CNTN6: variants seen among roughly 807,000 people sequenced by gnomAD.
CNTN6 encodes the protein contactin 6.
In CNTN6, 137 loss-of-function variants were observed where a neutral mutation model predicts 122.8. The ratio of observed to expected loss-of-function variants is 1.12; its 90% CI spans 0.97 to 1.29. The LOEUF (loss-of-function observed/expected upper bound fraction) is 1.29, where lower values mean the gene tolerates loss of function less well. Ranked by LOEUF, CNTN6 falls within the 50% of genes most tolerant of loss-of-function variation. CNTN6 has a pLI of 0.00. For missense variants in CNTN6, 1,634 were observed against 1,223.4 expected, an observed-to-expected ratio of 1.34 and a Z score of -5.01; for synonymous variants, 570 against 426.0, an observed-to-expected ratio of 1.34 and a Z score of -4.16.
chr3:1,337,803 T>C (rs79689433), intron 11 of CNTN6, among the ~76,000 whole-genome samples: 1 of 152,154 alleles, frequency 6.6e-6, no homozygotes, highest in African/African-American at 2.4e-5. Flanking sequence ...AAGAGCCATC[T>C]GATAGTCTTG....
chr3:1,227,542 T>C (rs989422146), intron 3 of CNTN6, among the ~76,000 whole-genome samples: 1 of 152,212 alleles, frequency 6.6e-6, no homozygotes, highest in African/African-American at 2.4e-5. Flanking sequence ...ACTGACTGTC[T>C]AATTTTTATT....
intron 5 of CNTN6, among the ~76,000 whole-genome samples, chr3:1,279,911 G>A (rs955913368): frequency 1.3e-5 from 2 of 152,206 alleles, no homozygotes; most frequent in Non-Finnish European, 2.9e-5. Context: ...CACCTGATAT[G>A]ATAGGGAAGA....
At chr3:1,151,033 A>T (rs554571022) in intron 2 of CNTN6, among the ~76,000 whole-genome samples, 1 of 152,196 alleles carries the variant, frequency 6.6e-6, no homozygotes, top group East Asian at 1.9e-4. Context: ...CTATCTGTGG[A>T]CTGAGCATGG....
rs73093216 is a variant in CNTN6 at position 1,302,223 on chromosome 3, C to G, written c.761+4232C>G. Among the ~76,000 whole-genome samples the G allele has an allele frequency of 7.0e-3, 1,060 of 151,946 alleles. 13 individuals carry two copies. Among genetic ancestry groups the G allele is most frequent in the African/African-American group, 0.025 (1,031 of 41,352 alleles). On this transcript the variant is annotated intron_variant, in intron 7 of 22. Coordinates refer to ENST00000446702, the MANE Select transcript of CNTN6 (RefSeq NM_001289080.2). ...CTAACATCTCTTCATAAAAATATTG[C>G]TGTGCAGCATTTGGTTTTAGTCATT...
At chr3:1,136,946 GGC>G (rs1444085601) in intron 1 of CNTN6, among the ~76,000 whole-genome samples, 1 of 152,130 alleles carries the variant, frequency 6.6e-6, no homozygotes, top group Non-Finnish European at 1.5e-5. Flanking sequence ...GATGAAATGA[GGC>G]AGTGCATGTA....
rs979507930 is a variant in CNTN6 at position 1,385,234 on chromosome 3, G to T, written c.2518-377G>T. On this transcript the variant is annotated intron_variant, in intron 19 of 22. Coordinates refer to ENST00000446702, the MANE Select transcript of CNTN6 (RefSeq NM_001289080.2). ...CCTGTGATTCAAATAACTCTGAAAA[G>T]AAATGCCAATAGCAAGACATTATAA... 3.3e-5 allele frequency among the ~76,000 whole-genome samples: 5 copies of T among 151,964 alleles called. No homozygotes were observed. The East Asian group carries it at 9.6e-4, about 29-fold the overall frequency.
intron 4 of CNTN6, among the ~76,000 whole-genome samples, chr3:1,259,764 T>C (rs889645176): frequency 5.3e-5 from 8 of 152,154 alleles, no homozygotes; most frequent in Admixed American, 4.6e-4. Flanking sequence ...ATCAAAATTA[T>C]TTTGAGAATC....
At chr3:1,094,313 A>G (rs1238480073) in intron 1 of CNTN6, among the ~76,000 whole-genome samples, 1 of 152,120 alleles carries the variant, frequency 6.6e-6, no homozygotes, top group Non-Finnish European at 1.5e-5. Flanking sequence ...TGTTCACAAA[A>G]CAAACATAAA....
chr3:1,313,378 C>T (rs994579431), intron 7 of CNTN6, among the ~76,000 whole-genome samples: 1 of 152,042 alleles, frequency 6.6e-6, no homozygotes, highest in African/African-American at 2.4e-5. Context: ...ATGGTCCTTT[C>T]ATGTCTCTGT....
chr3:1,336,929 T>A (rs1350345941), intron 11 of CNTN6, among the ~76,000 whole-genome samples: 3 of 151,702 alleles, frequency 2.0e-5, no homozygotes, highest in Non-Finnish European at 4.4e-5. Context: ...GAAGCCAAAG[T>A]AAGAGAGAAG....
chr3:1,203,805 A>G (rs954725703), intron 2 of CNTN6, among the ~76,000 whole-genome samples: 1 of 152,178 alleles, frequency 6.6e-6, no homozygotes, highest in Non-Finnish European at 1.5e-5. Flanking sequence ...GCATAATAAC[A>G]TTTTGGTCAA....
At chr3:1,152,402 G>A (rs529869736) in intron 2 of CNTN6, among the ~76,000 whole-genome samples, 8 of 152,148 alleles carry the variant, frequency 5.3e-5, no homozygotes, top group Admixed American at 1.3e-4. Flanking sequence ...GCCTCCCAAA[G>A]TGCTAGGATT....
intron 2 of CNTN6, among the ~76,000 whole-genome samples, chr3:1,159,494 T>A (rs1445232727): frequency 6.6e-6 from 1 of 152,112 alleles, no homozygotes; most frequent in African/African-American, 2.4e-5. Flanking sequence ...TGGACCTTGG[T>A]TGAGCATGGT....
At chr3:1,243,766 C>T (rs542770769) in intron 4 of CNTN6, among the ~76,000 whole-genome samples, 1 of 152,202 alleles carries the variant, frequency 6.6e-6, no homozygotes, top group East Asian at 1.9e-4. Context: ...AACTGTAAGC[C>T]AGACCGGGTG....
At chr3:1,392,249 C>T (rs1169931632) in intron 20 of CNTN6, among the ~76,000 whole-genome samples, 1 of 152,240 alleles carries the variant, frequency 6.6e-6, no homozygotes, top group Non-Finnish European at 1.5e-5. Context: ...AGAAATAACG[C>T]CGCATATCTA....
chr3:1,257,144 T>C (rs548004650), intron 4 of CNTN6, among the ~76,000 whole-genome samples: 4 of 152,286 alleles, frequency 2.6e-5, no homozygotes, highest in South Asian at 2.1e-4. Context: ...ACTTTTCTTA[T>C]CTGTTTATTG....
intron 20 of CNTN6, among the ~76,000 whole-genome samples, chr3:1,386,894 C>T (rs1693065458): frequency 6.6e-6 from 1 of 151,818 alleles, no homozygotes; most frequent in South Asian, 2.1e-4. Context: ...TAAAGTTATT[C>T]CCCTTATGCG....
At chr3:1,180,036 A>G (rs1280952394) in intron 2 of CNTN6, among the ~76,000 whole-genome samples, 1 of 152,194 alleles carries the variant, frequency 6.6e-6, no homozygotes, top group Non-Finnish European at 1.5e-5. Context: ...TAGTTCAAGA[A>G]AAGTTATGAA....
At chr3:1,103,750 A>G (rs1199955759) in intron 1 of CNTN6, among the ~76,000 whole-genome samples, 1 of 152,182 alleles carries the variant, frequency 6.6e-6, no homozygotes, top group African/African-American at 2.4e-5. Flanking sequence ...TTATGAGGCA[A>G]AAGTCATTTT....
Sources: allele counts gnomAD v4.1 joint callset (sites outside exome capture counted in the v4.1 genomes callset), GRCh38; gene constraint gnomAD v4.1.1; transcripts MANE v1.5; gene names NCBI Gene and HGNC (gene_info 2026-07-23, HGNC 2026-07-21).